DLG2: variants seen among roughly 807,000 people sequenced by gnomAD.
The protein encoded by DLG2 is disks large homolog 2.
Under a neutral mutation model 132.5 loss-of-function variants are expected in DLG2, and 45 were observed. That is an observed-to-expected ratio of 0.34 (90% confidence interval 0.27 to 0.44). The LOEUF is 0.44. DLG2 is among the 20% of genes least tolerant of loss of function. The pLI is 1.00. For missense variants in DLG2, 1,045 were observed against 1,196.9 expected, an observed-to-expected ratio of 0.87 and a Z score of 1.87; for synonymous variants, 424 against 419.6, an observed-to-expected ratio of 1.01 and a Z score of -0.13.
chr11:85,322,851 T>C (rs2081174475), intron 3 of DLG2, among the ~76,000 whole-genome samples: 1 of 152,168 alleles, frequency 6.6e-6, no homozygotes, highest in Non-Finnish European at 1.5e-5. Context: ...TTCCTGCTGC[T>C]GCTAGCTAAA....
intron 8 of DLG2, among the ~76,000 whole-genome samples, chr11:84,227,560 G>A (rs1282700650): frequency 6.6e-6 from 1 of 152,122 alleles, no homozygotes; most frequent in African/African-American, 2.4e-5. Flanking sequence ...CTTGAGGGCA[G>A]AAACTACCTC....
At chr11:84,502,115 T>C (rs2099208482) in intron 7 of DLG2, among the ~76,000 whole-genome samples, 1 of 80,904 alleles carries the variant, frequency 1.2e-5, no homozygotes, top group South Asian at 4.9e-4. Context: ...TCTCTCTGTC[T>C]TTCTCTCTTT....
At chr11:85,167,805 T>C (rs943957749) in intron 4 of DLG2, among the ~76,000 whole-genome samples, 5 of 152,222 alleles carry the variant, frequency 3.3e-5, no homozygotes, top group South Asian at 4.1e-4. Flanking sequence ...ATTATAGGGG[T>C]CTTAGCCATG....
At chr11:83,701,394 T>C (rs2082913649) in intron 18 of DLG2, among the ~76,000 whole-genome samples, 1 of 152,172 alleles carries the variant, frequency 6.6e-6, no homozygotes, top group South Asian at 2.1e-4. Flanking sequence ...CTGGAGTAGA[T>C]ATCAGTAAAT....
chr11:84,604,605 C>G (rs1387605069), intron 6 of DLG2, among the ~76,000 whole-genome samples: 3 of 151,894 alleles, frequency 2.0e-5, no homozygotes, highest in African/African-American at 7.2e-5. Flanking sequence ...GGTCCTTAAT[C>G]TCAGGAAGAT....
At chr11:84,894,796 C>A (rs2089961473) in intron 6 of DLG2, among the ~76,000 whole-genome samples, 1 of 152,128 alleles carries the variant, frequency 6.6e-6, no homozygotes, top group Non-Finnish European at 1.5e-5. Flanking sequence ...AAGTTACATG[C>A]TCAGAGATGC....
At chr11:84,532,745 C>T (rs2099345905) in intron 7 of DLG2, among the ~76,000 whole-genome samples, 1 of 152,174 alleles carries the variant, frequency 6.6e-6, no homozygotes, top group African/African-American at 2.4e-5. Flanking sequence ...GTCCTCCCAC[C>T]TCAGCTTCCC....
At chr11:84,194,445 AG>A (rs1214547414) in intron 8 of DLG2, among the ~76,000 whole-genome samples, 1 of 152,166 alleles carries the variant, frequency 6.6e-6, no homozygotes, top group Non-Finnish European at 1.5e-5. Context: ...ACAGACCCAA[AG>A]AGTGAGCAGC....
intron 3 of DLG2, among the ~76,000 whole-genome samples, chr11:85,489,783 A>G (rs1360788152): frequency 1.3e-5 from 2 of 152,234 alleles, no homozygotes; most frequent in African/African-American, 4.8e-5. Flanking sequence ...CTATACGAAC[A>G]CATGGAAATT....
At chr11:84,268,032 G>A (rs975232169) in intron 7 of DLG2, among the ~76,000 whole-genome samples, 1 of 152,140 alleles carries the variant, frequency 6.6e-6, no homozygotes, top group African/African-American at 2.4e-5. Context: ...TTCTGACCTT[G>A]CTTCTGTAAT....
At chr11:85,040,804 A>G (rs2061797632) in intron 6 of DLG2, among the ~76,000 whole-genome samples, 1 of 151,894 alleles carries the variant, frequency 6.6e-6, no homozygotes, top group Non-Finnish European at 1.5e-5. Context: ...TTTAGCATAG[A>G]AATTCACCAA....
intron 4 of DLG2, among the ~76,000 whole-genome samples, chr11:85,181,645 G>GT (rs1293167084): frequency 6.6e-6 from 1 of 151,662 alleles, no homozygotes; most frequent in Non-Finnish European, 1.5e-5. Flanking sequence ...GCCTAGTGCT[G>GT]TTTTCCTGTA....
At chr11:83,811,390 A>T (rs575978433) in intron 17 of DLG2, among the ~76,000 whole-genome samples, 4 of 152,212 alleles carry the variant, frequency 2.6e-5, no homozygotes, top group Non-Finnish European at 5.9e-5. Context: ...ACCACACAAA[A>T]TTGACAATAT....
chr11:84,314,594 A>G (rs2098335565), intron 7 of DLG2, among the ~76,000 whole-genome samples: 1 of 152,176 alleles, frequency 6.6e-6, no homozygotes, highest in Non-Finnish European at 1.5e-5. Flanking sequence ...TAAAATTTAC[A>G]TGAAAAAATA....
intron 6 of DLG2, among the ~76,000 whole-genome samples, chr11:84,568,212 C>T (rs979138985): frequency 9.2e-5 from 14 of 152,136 alleles, no homozygotes; most frequent in African/African-American, 2.2e-4. Flanking sequence ...AGATCAGAAA[C>T]GCCAACCAAC....
chr11:85,163,081 A>G (rs1022283443), intron 4 of DLG2, among the ~76,000 whole-genome samples: 17 of 152,076 alleles, frequency 1.1e-4, no homozygotes, highest in African/African-American at 4.1e-4. Flanking sequence ...GAAGCTTCCT[A>G]CCCTCAGACA....
chr11:84,640,360 G>A (rs983824412), intron 6 of DLG2: 6 of 338,860 alleles, frequency 1.8e-5, no homozygotes, highest in Admixed American at 1.2e-4. Context: ...TAAATCCTCA[G>A]GGTTTGGATA....
At chr11:84,405,808 T>C (rs1296290675) in intron 7 of DLG2, among the ~76,000 whole-genome samples, 1 of 152,222 alleles carries the variant, frequency 6.6e-6, no homozygotes, top group Non-Finnish European at 1.5e-5. Context: ...AGGTGATATA[T>C]AAAAACTCAA....
intron 19 of DLG2, among the ~76,000 whole-genome samples, chr11:83,603,020 G>C (rs1053543309): frequency 6.7e-6 from 1 of 150,286 alleles, no homozygotes; most frequent in South Asian, 2.1e-4. Flanking sequence ...CCCAGTGACT[G>C]TGTGTGTGTG....
Sources: allele counts gnomAD v4.1 joint callset (sites outside exome capture counted in the v4.1 genomes callset), GRCh38; gene constraint gnomAD v4.1.1; transcripts MANE v1.5; gene names NCBI Gene and HGNC (gene_info 2026-07-23, HGNC 2026-07-21).